The following PBX2 variants were observed in gnomAD, a reference collection of about 807,000 sequenced individuals.
PBX2 encodes pre-B-cell leukemia transcription factor 2.
PBX2 carries 10 observed loss-of-function variants against 46.5 expected under a neutral mutation model. The ratio of observed to expected loss-of-function variants is 0.21; its 90% CI spans 0.13 to 0.36. PBX2 has a LOEUF of 0.36. Among genes scored for constraint, PBX2 ranks in the 10% least tolerant of loss-of-function variants. PBX2 has a pLI of 1.00. For missense variants in PBX2, 392 were observed against 580.5 expected, an observed-to-expected ratio of 0.68 and a Z score of 3.34; for synonymous variants, 160 against 222.5, an observed-to-expected ratio of 0.72 and a Z score of 2.50.
rs1345146509 is a variant in PBX2, at chr6:32,185,255, A to C, written c.*1127T>G. 1 of 152,586 alleles carries C rather than the reference A, an allele frequency of 6.6e-6. No homozygotes were observed. Among genetic ancestry groups the C allele is most frequent in the African/African-American group, 2.4e-5 (1 of 41,438 alleles). The allele number at this position is 152,586 out of a possible 1,614,324, so 9.5% of individuals were successfully genotyped here. A position where few individuals can be genotyped will look rare whatever the true frequency, so the allele number is the denominator to read the frequency against. ...ATCTTCAATTTCCTCAAAATTACTG[A>C]GTCCAGCCCTGCCCAAGGGTTGTGG... On this transcript the variant is annotated 3_prime_UTR_variant, in exon 9 of 9. Coordinates refer to ENST00000375050, the MANE Select transcript of PBX2 (RefSeq NM_002586.5).
chr6:32,187,754 C>A lies in PBX2; in HGVS notation c.763G>T (p.Ala255Ser). The A allele has an allele frequency of 6.2e-7, 1 of 1,612,612 alleles. No individual in the cohort carries two copies. Among genetic ancestry groups the A allele is most frequent in the African/African-American group, 1.3e-5 (1 of 75,014 alleles). The stretch of plus-strand genomic sequence containing the variant: ...AAATACTCATTTAGGACCTCAGTGG[C>A]CTGTTTGCTGAAGTTACGGCGCTTT... ...RRKRRNFSKQ[A>S]TEVLNEYFYS... Residue 255 changes from alanine to serine, a missense_variant, in exon 5 of 9, where the codon GCC (alanine) becomes TCC (serine). Ala to Ser is a moderately conservative substitution (Grantham distance 99). Transcript: ENST00000375050. The surrounding 1 kb of genome is among the most constrained non-coding windows in gnomAD (Gnocchi z 7.7).
Position 32,188,133 on chromosome 6 carries a change from A to G in PBX2, c.567T>C (p.His189=). The G allele has an allele frequency of 2.5e-6, 4 of 1,589,352 alleles. No homozygotes were observed. The highest frequency in any genetic ancestry group is 3.4e-6 in the Non-Finnish European group (4 of 1,164,970). The change falls in exon 4 of 9, where the codon CAT becomes CAC. Residue 189 remains histidine (H), a synonymous_variant. Coordinates refer to ENST00000375050, the MANE Select transcript of PBX2 (RefSeq NM_002586.5). This position sits in a 1 kb window ranked among gnomAD's most constrained non-coding sequence, Gnocchi z 6.5. Reference sequence around the variant, plus strand: ...TCTGCTCCCTCAGCAGGTTCATGACATGGGTCGTGAACTCATTACATGCCT... The same window carrying G: ...TCTGCTCCCTCAGCAGGTTCATGACGTGGGTCGTGAACTCATTACATGCCT... ...YEQACNEFTT[H]VMNLLREQSR... is the part of the protein sequence containing the mutation.
rs553639690 is a variant in PBX2, at chr6:32,189,550, T to C, written c.221+145A>G. On this transcript the variant is annotated intron_variant, in intron 1 of 8. Transcript: ENST00000375050. The surrounding 1 kb of genome is among the most constrained non-coding windows in gnomAD (Gnocchi z 4.7). ...AAGGGAGGTTTGAGAGGGATCACTT[T>C]TCTATGGGCTCCCAGGAATAAGGAG... The C allele has an allele frequency of 1.6e-6, 1 of 606,862 alleles. No individual in the cohort carries two copies. 37.6% of individuals were successfully genotyped at this position (606,862 alleles called of 1,614,324 possible).
rs1477425624 is a variant in PBX2 at position 32,189,732 on chromosome 6, T to C, written c.184A>G (p.Thr62Ala). 6.2e-7 allele frequency: 1 copy of C among 1,609,558 alleles called. No individual in the cohort carries two copies. Among genetic ancestry groups the C allele is most frequent in the Non-Finnish European group, 8.5e-7 (1 of 1,178,316 alleles). Residue 62 changes from threonine (T) to alanine (A), a missense_variant, in exon 1 of 9, where the codon ACC (threonine) becomes GCC (alanine). Around this residue, in one of 3 missense-constraint regions of PBX2, gnomAD observed 196 missense variants for 246.9 expected, o/e 0.79. Coordinates refer to ENST00000375050, the MANE Select transcript of PBX2 (RefSeq NM_002586.5). This position sits in a 1 kb window ranked among gnomAD's most constrained non-coding sequence, Gnocchi z 4.7. ...TCGTCCAGGCTCTGGTCGGTGATGG[T>C]CATTATCTGCTGCAGAATGTCCCCG... is the stretch of plus-strand genomic sequence containing the variant. The part of the protein sequence containing the change: ...DIGDILQQIM[T>A]ITDQSLDEAQ...
rs1787272281 is a variant in PBX2, at chr6:32,188,917, G to A, written c.222-121C>T. On this transcript the variant is annotated intron_variant, in intron 1 of 8. Transcript: ENST00000375050. This position sits in a 1 kb window ranked among gnomAD's most constrained non-coding sequence, Gnocchi z 6.5. ...GGAGGGAGGAAGCGGATTGGGGGTG[G>A]AATGAGTTGGGGGTGGAATGAGGAG... The A allele has an allele frequency of 7.4e-6, 6 of 808,222 alleles. No individual in the cohort carries two copies. In the South Asian group the frequency reaches 8.5e-5, roughly 11 times the overall value. The allele number at this position is 808,222 out of a possible 1,614,324, so 50.1% of individuals were successfully genotyped here. A position where few individuals can be genotyped will look rare whatever the true frequency, so the allele number is the denominator to read the frequency against.
Position 32,187,637 on chromosome 6 carries a change from T to G in PBX2, c.870+10A>C, listed in dbSNP as rs760411922. On this transcript the variant is annotated intron_variant, in intron 5 of 8. Transcript: ENST00000375050. This position sits in a 1 kb window ranked among gnomAD's most constrained non-coding sequence, Gnocchi z 7.7. ...TTGCCTGACAACTCCTCCCGCAACC[T>G]CCATAATACCTGAGACACGGTGATG... 20 of 1,586,210 alleles carry G rather than the reference T, an allele frequency of 1.3e-5. 1 individual carries two copies. In the South Asian group the frequency reaches 2.3e-4, roughly 18 times the overall value.
rs1787334420 is a variant in PBX2, at chr6:32,189,831, C to T, written c.85G>A (p.Gly29Ser). ...GLVSGEPGGP[G>S]EPPGGGDPGG... Reference sequence around the variant, plus strand: ...GGGTCTCCGCCACCGGGAGGCTCGCCAGGGCCCCCAGGCTCCCCACTCACC... The same window carrying T: ...GGGTCTCCGCCACCGGGAGGCTCGCTAGGGCCCCCAGGCTCCCCACTCACC... The change falls in exon 1 of 9, where the codon GGC becomes AGC. Residue 29 changes from glycine (G) to serine (S), a missense_variant. By Grantham distance (56) the Gly-to-Ser change is moderately conservative. Around this residue, in one of 3 missense-constraint regions of PBX2, gnomAD observed 196 missense variants for 246.9 expected, o/e 0.79. Coordinates refer to ENST00000375050, the MANE Select transcript of PBX2 (RefSeq NM_002586.5). The surrounding 1 kb of genome is among the most constrained non-coding windows in gnomAD (Gnocchi z 4.7). 4 of 1,580,990 alleles carry T rather than the reference C, an allele frequency of 2.5e-6. No individual in the cohort carries two copies. Among genetic ancestry groups the T allele is most frequent in the Non-Finnish European group, 3.4e-6 (4 of 1,162,216 alleles).
rs1787271645 is a variant in PBX2 at position 32,188,905 on chromosome 6, G to A, written c.222-109C>T. On this transcript the variant is annotated intron_variant, in intron 1 of 8. Coordinates refer to ENST00000375050, the MANE Select transcript of PBX2 (RefSeq NM_002586.5). This position sits in a 1 kb window ranked among gnomAD's most constrained non-coding sequence, Gnocchi z 6.5. ...GGGTCAGTCTGCGGAGGGAGGAAGC[G>A]GATTGGGGGTGGAATGAGTTGGGGG... 11 of 924,728 alleles carry A rather than the reference G, an allele frequency of 1.2e-5. No individual in the cohort carries two copies. Among genetic ancestry groups the A allele is most frequent in the Non-Finnish European group, 1.8e-5 (10 of 562,684 alleles). The allele number at this position is 924,728 out of a possible 1,614,324, so 57.3% of individuals were successfully genotyped here. A position where few individuals can be genotyped will look rare whatever the true frequency, so the allele number is the denominator to read the frequency against.
Position 32,186,573 on chromosome 6 carries a change from T to C in PBX2, c.1200+31A>G. On this transcript the variant is annotated intron_variant, in intron 8 of 8. Transcript: ENST00000375050. This position sits in a 1 kb window ranked among gnomAD's most constrained non-coding sequence, Gnocchi z 4.2. ...AAATGCCCCTCTGTCCTGTGAGAAC[T>C]GGACAGAGAGGAGCTTCAGGATCCA... The C allele has an allele frequency of 2.6e-6, 4 of 1,566,904 alleles. No individual in the cohort carries two copies. Among genetic ancestry groups the C allele is most frequent in the Non-Finnish European group, 3.5e-6 (4 of 1,136,936 alleles).
In PBX2 at chr6:32,186,422, G is replaced by A. The variant is rs982109696; in HGVS notation, c.1253C>T (p.Thr418Met). The A allele has an allele frequency of 2.0e-5, 32 of 1,612,740 alleles. No homozygotes were observed. The highest frequency in any genetic ancestry group is 1.2e-4 in the African/African-American group (9 of 74,896). The change falls in exon 9 of 9, where the codon ACG (threonine) becomes ATG (methionine). Residue 418 changes from threonine (T) to methionine (M), a missense_variant. This residue lies in a region of PBX2 where 116 missense variants were observed against 157.9 expected (regional missense o/e 0.73). Transcript: ENST00000375050. The surrounding 1 kb of genome is among the most constrained non-coding windows in gnomAD (Gnocchi z 4.2). Reference sequence around the variant, plus strand: ...AGAGTGAACACTCCCTGGTCCCTCCGTTGGGGATGTCACTGAAGAGGGGGT... The same window carrying A: ...AGAGTGAACACTCCCTGGTCCCTCCATTGGGGATGTCACTGAAGAGGGGGT... Reference protein sequence around the residue: ...AVTPSSVTSPTEGPGSVHSDT... With the variant: ...AVTPSSVTSPMEGPGSVHSDT...
At position 32,187,955 on chromosome 6, in the gene PBX2, C is replaced by T. The variant is rs1241913561; in HGVS notation, c.734+11G>A. 2.0e-6 allele frequency: 3 copies of T among 1,532,978 alleles called. No individual in the cohort carries two copies. The highest frequency in any genetic ancestry group is 4.0e-5 in the Admixed American group (2 of 50,020). 95.0% of individuals were successfully genotyped at this position (1,532,978 alleles called of 1,614,324 possible). On this transcript the variant is annotated intron_variant, in intron 4 of 8. Coordinates refer to ENST00000375050, the MANE Select transcript of PBX2 (RefSeq NM_002586.5). This position sits in a 1 kb window ranked among gnomAD's most constrained non-coding sequence, Gnocchi z 7.7. ...CAGTGCTGGGGGCCAGCCTGGGGTC[C>T]CTGGGCCCACCTGGCATCCAGGAAA...
Position 32,186,467 on chromosome 6 carries a change from C to T in PBX2, c.1208G>A (p.Gly403Asp), listed in dbSNP as rs1221883431. ...GGGGGTCACAGCCTCTTGCCAGCTG[C>T]CATTTGCCTGAAAGGAGAGACAGAG... ...MYSPREMRAN[G>D]SWQEAVTPSS... Residue 403 changes from glycine to aspartate, a missense_variant, in exon 9 of 9, where the codon GGC (glycine) becomes GAC (aspartate). Around this residue, in one of 3 missense-constraint regions of PBX2, gnomAD observed 116 missense variants for 157.9 expected, o/e 0.73. Transcript: ENST00000375050. This position sits in a 1 kb window ranked among gnomAD's most constrained non-coding sequence, Gnocchi z 4.2. 2 of 1,613,436 alleles carry T rather than the reference C, an allele frequency of 1.2e-6. No homozygotes were observed. The highest frequency in any genetic ancestry group is 1.7e-6 in the Non-Finnish European group (2 of 1,179,800).
chr6:32,188,629 T>G lies in PBX2; in HGVS notation c.295+94A>C. ...TCCTTCCCCAGTCCCCCTGACTCCT[T>G]ACTTTCCTCAGGGCCCCAAGTTGTC... On this transcript the variant is annotated intron_variant, in intron 2 of 8. Transcript: ENST00000375050. The surrounding 1 kb of genome is among the most constrained non-coding windows in gnomAD (Gnocchi z 6.5). 1 of 1,573,742 alleles carries G rather than the reference T, an allele frequency of 6.4e-7. No individual in the cohort carries two copies. The highest frequency in any genetic ancestry group is 1.1e-5 in the South Asian group (1 of 89,500).
chr6:32,189,862 C>T lies in PBX2; in HGVS notation c.54G>A (p.Leu18=), dbSNP rs169503. Residue 18 remains leucine (L), a synonymous_variant, in exon 1 of 9, where the codon CTG becomes CTA. Transcript: ENST00000375050. The surrounding 1 kb of genome is among the most constrained non-coding windows in gnomAD (Gnocchi z 4.7). ...PPPPGGGRGG[L]GLVSGEPGGP... is the part of the protein sequence containing the mutation. ...CCCCAGGCTCCCCACTCACCAATCC[C>T]AGGCCCCCCCGGCCCCCGCCTGGAG... 157,813 of 1,515,918 alleles carry T rather than the reference C, an allele frequency of 0.1. 10,885 individuals carry two copies. Among genetic ancestry groups the T allele is most frequent in the African/African-American group, 0.27 (18,525 of 69,814 alleles). 93.9% of individuals were successfully genotyped at this position (1,515,918 alleles called of 1,614,324 possible).
chr6:32,185,724 G>A lies in PBX2; in HGVS notation c.*658C>T, dbSNP rs977346215. The A allele has an allele frequency of 1.3e-5, 2 of 151,862 alleles. No individual in the cohort carries two copies. The highest frequency in any genetic ancestry group is 2.4e-5 in the African/African-American group (1 of 41,200). 9.4% of individuals were successfully genotyped at this position (151,862 alleles called of 1,614,324 possible). On this transcript the variant is annotated 3_prime_UTR_variant, in exon 9 of 9. Coordinates refer to ENST00000375050, the MANE Select transcript of PBX2 (RefSeq NM_002586.5). ...AAAAAAAAAAAAGTTCAACCCCAAAGCCCAGTCAATAATTCCCTAAAGTAG... is the reference window on the plus strand; with the variant it reads ...AAAAAAAAAAAAGTTCAACCCCAAAACCCAGTCAATAATTCCCTAAAGTAG...
chr6:32,187,707 TG>T lies in PBX2; in HGVS notation c.809del (p.Pro270HisfsTer130). ...NEYFYSHLSNPYPSEEAKEEL... is the reference protein window; with the variant it reads ...NEYFYSHLSNXYPSEEAKEEL... ...CCTCCTTGGCCTCCTCACTAGGATA[TG>T]GGTTACTCAGGTGGGAGTAGAAATA... On this transcript the variant is annotated frameshift_variant, in exon 5 of 9. Transcript: ENST00000375050. LOFTEE classifies it high-confidence loss of function. This position sits in a 1 kb window ranked among gnomAD's most constrained non-coding sequence, Gnocchi z 7.7. The T allele has an allele frequency of 6.2e-7, 1 of 1,610,024 alleles. No homozygotes were observed.
Position 32,186,837 on chromosome 6 carries a change from G to T in PBX2, c.1089C>A (p.Asn363Lys), listed in dbSNP as rs147090639. ...GDMFLGMPGL[N>K]GDSYSASQVE... ...CCTGGGAAGCAGAATAGGAATCTCC[G>T]TTGAGCCCAGGCATCCCCAGAAACA... The change falls in exon 7 of 9, where the codon AAC (asparagine) becomes AAA (lysine). Residue 363 changes from asparagine (N) to lysine (K), a missense_variant. Physicochemically the swap from Asn to Lys is moderately conservative, Grantham distance 94 (BLOSUM62 0). Coordinates refer to ENST00000375050, the MANE Select transcript of PBX2 (RefSeq NM_002586.5). The surrounding 1 kb of genome is among the most constrained non-coding windows in gnomAD (Gnocchi z 4.2). The T allele has an allele frequency of 6.2e-7, 1 of 1,614,004 alleles. No individual in the cohort carries two copies. Among genetic ancestry groups the T allele is most frequent in the South Asian group, 1.1e-5 (1 of 91,090 alleles).
chr6:32,187,332 C>T lies in PBX2; in HGVS notation c.934G>A (p.Glu312Lys), dbSNP rs761609684. 60 of 1,612,938 alleles carry T rather than the reference C, an allele frequency of 3.7e-5. No homozygotes were observed. The highest frequency in any genetic ancestry group is 4.6e-5 in the Non-Finnish European group (54 of 1,180,028). The change falls in exon 6 of 9, where the codon GAG becomes AAG. Residue 312 changes from glutamate to lysine, a missense_variant. Physicochemically the swap from Glu to Lys is moderately conservative, Grantham distance 56. Around this residue, in one of 3 missense-constraint regions of PBX2, gnomAD observed 116 missense variants for 157.9 expected, o/e 0.73. Transcript: ENST00000375050. The surrounding 1 kb of genome is among the most constrained non-coding windows in gnomAD (Gnocchi z 7.7). ...YKKNIGKFQE[E>K]ANIYAVKTAV... ...GTCTTGACAGCATAGATGTTTGCCTCCTCTTGGAACTTTCCGATGTTTTTC... is the reference window on the plus strand; with the variant it reads ...GTCTTGACAGCATAGATGTTTGCCTTCTCTTGGAACTTTCCGATGTTTTTC...
In PBX2 at chr6:32,188,093, C is replaced by A; in HGVS notation, c.607G>T (p.Val203Leu). The A allele has an allele frequency of 6.3e-7, 1 of 1,595,100 alleles. No individual in the cohort carries two copies. The highest frequency in any genetic ancestry group is 1.1e-5 in the South Asian group (1 of 88,978). ...ATGCGTTCCATCTCTTTGGGGGCCACGGGCCTGGTGCGGCTCTGCTCCCTC... is the reference window on the plus strand; with the variant it reads ...ATGCGTTCCATCTCTTTGGGGGCCAAGGGCCTGGTGCGGCTCTGCTCCCTC... ...LLREQSRTRP[V>L]APKEMERMVS... Residue 203 changes from valine to leucine, a missense_variant, in exon 4 of 9, where the codon GTG becomes TTG. Val to Leu is a conservative substitution (Grantham distance 32, BLOSUM62 1). This residue lies in a region of PBX2 where 80 missense variants were observed against 175.7 expected (regional missense o/e 0.46). Transcript: ENST00000375050. This position sits in a 1 kb window ranked among gnomAD's most constrained non-coding sequence, Gnocchi z 6.5.
Sources: allele counts gnomAD v4.1 joint callset, GRCh38; gene constraint gnomAD v4.1.1; regional missense constraint gnomAD v4.1.1; non-coding constraint Gnocchi (gnomAD v3.1); transcripts MANE v1.5; gene names NCBI Gene and HGNC (gene_info 2026-07-23, HGNC 2026-07-21).